PTPRN2: variants seen among roughly 807,000 people sequenced by gnomAD.
The protein encoded by PTPRN2 is receptor-type tyrosine-protein phosphatase N2.
A neutral mutation model predicts 118.8 loss-of-function variants in PTPRN2; 74 were observed. That is an observed-to-expected ratio of 0.62 (90% confidence interval 0.52 to 0.76). PTPRN2 has a LOEUF of 0.76. PTPRN2 is among the 30% of genes least tolerant of loss of function. The pLI is 0.00. For synonymous variants in PTPRN2, 641 were observed against 608.0 expected (o/e 1.05, Z -0.80); for missense variants, 1,481 against 1,394.4 (o/e 1.06, Z -0.99).
At chr7:158,320,137 A>ACT (rs1298027010) in intron 2 of PTPRN2, among the ~76,000 whole-genome samples, 6 of 38,974 alleles carry the variant, frequency 1.5e-4, no homozygotes, top group African/African-American at 2.5e-4. Flanking sequence ...CCTCACACAC[A>ACT]CAGCCTCCCT....
chr7:157,572,496 C>A (rs1356511030), intron 19 of PTPRN2, among the ~76,000 whole-genome samples: 2 of 152,216 alleles, frequency 1.3e-5, no homozygotes, highest in Non-Finnish European at 2.9e-5. Flanking sequence ...TTGCTACAAA[C>A]CTTTGAAGCC....
intron 3 of PTPRN2, among the ~76,000 whole-genome samples, chr7:158,251,522 G>C (rs559326346): frequency 6.6e-6 from 1 of 151,592 alleles, no homozygotes; most frequent in South Asian, 2.1e-4. Flanking sequence ...GATGTATATG[G>C]TGCATGTGGG....
chr7:157,667,152 C>T (rs1796179138), intron 13 of PTPRN2, among the ~76,000 whole-genome samples: 1 of 100,152 alleles, frequency 1.0e-5, no homozygotes, highest in Non-Finnish European at 2.5e-5. Context: ...GGCTTGCACG[C>T]TCAGCCTGTG....
intron 2 of PTPRN2, among the ~76,000 whole-genome samples, chr7:158,479,539 G>A (rs556738127): frequency 4.5e-4 from 69 of 152,328 alleles, no homozygotes; most frequent in African/African-American, 1.7e-3. Flanking sequence ...CAGCAACTCT[G>A]AGACGCAGAG....
At chr7:157,923,305 G>T (rs912103201) in intron 11 of PTPRN2, among the ~76,000 whole-genome samples, 21 of 152,204 alleles carry the variant, frequency 1.4e-4, no homozygotes, top group Admixed American at 5.2e-4. Flanking sequence ...TGATGCTTGT[G>T]ACTGAGAAAA....
At position 158,255,523 on chromosome 7, in the gene PTPRN2, C is replaced by T. The variant is rs562077361; in HGVS notation, c.278-50250G>A. Among the ~76,000 whole-genome samples, 115 of 152,254 alleles carry T rather than the reference C, an allele frequency of 7.6e-4. 1 individual carries two copies. The highest frequency in any genetic ancestry group is 1.2e-3 in the South Asian group (6 of 4,822). ...CAGCTTCAGGATTAAAAGTGGTTCACGGATTTGGGGAACTGCAGAGGACAG... is the reference window on the plus strand; with the variant it reads ...CAGCTTCAGGATTAAAAGTGGTTCATGGATTTGGGGAACTGCAGAGGACAG... On this transcript the variant is annotated intron_variant, in intron 3 of 22. Coordinates refer to ENST00000389418, the MANE Select transcript of PTPRN2 (RefSeq NM_002847.5).
chr7:158,110,061 C>T (rs1038902496), intron 10 of PTPRN2, among the ~76,000 whole-genome samples: 1 of 151,866 alleles, frequency 6.6e-6, no homozygotes, highest in South Asian at 2.1e-4. Context: ...GTGAACAACA[C>T]GTGTAGGCAG....
intron 2 of PTPRN2, among the ~76,000 whole-genome samples, chr7:158,331,105 AC>A: frequency 6.8e-6 from 1 of 147,690 alleles, no homozygotes; most frequent in African/African-American, 2.5e-5. Context: ...CGCAGACGTC[AC>A]TCACACCCAC....
chr7:158,192,305 G>A (rs199946865), intron 5 of PTPRN2, 22 bp downstream of exon 5: 127 of 1,449,046 alleles, frequency 8.8e-5, no homozygotes, highest in Non-Finnish European at 9.7e-5. Context: ...ACCCCGGCCC[G>A]GGGAGGAAGT....
chr7:157,986,776 G>T lies in PTPRN2; in HGVS notation c.1724-88039C>A, dbSNP rs562677465. 2.6e-5 allele frequency among the ~76,000 whole-genome samples: 4 copies of T among 152,282 alleles called. No homozygotes were observed. The East Asian group carries it at 7.7e-4, about 29-fold the overall frequency. ...AAGGACCATCCAGTTGGCAGGACTG[G>T]AAGTAACTGGGCAGAGGAGACATTT... On this transcript the variant is annotated intron_variant, in intron 11 of 22. Coordinates refer to ENST00000389418, the MANE Select transcript of PTPRN2 (RefSeq NM_002847.5). The surrounding 1 kb of genome is among the most constrained non-coding windows in gnomAD (Gnocchi z 4.5).
intron 22 of PTPRN2, among the ~76,000 whole-genome samples, chr7:157,541,216 A>T (rs1797998788): frequency 6.6e-6 from 1 of 152,158 alleles, no homozygotes; most frequent in Non-Finnish European, 1.5e-5. Context: ...TGGCCATTAA[A>T]ACTCACAATG....
At chr7:157,707,049 G>A (rs1010720215) in intron 12 of PTPRN2, among the ~76,000 whole-genome samples, 3 of 152,252 alleles carry the variant, frequency 2.0e-5, no homozygotes, top group Admixed American at 6.5e-5. Context: ...CAGAATGCCA[G>A]ACAGATGAAG....
rs10270957 is a variant in PTPRN2, at chr7:158,060,168, T to G, written c.1723+21130A>C. 2.1e-4 allele frequency among the ~76,000 whole-genome samples: 6 copies of G among 28,246 alleles called. 2 individuals carry two copies. Among genetic ancestry groups the G allele is most frequent in the African/African-American group, 7.4e-4 (5 of 6,802 alleles). 18.5% of individuals were successfully genotyped at this position (28,246 alleles called of 152,430 possible). A position where few individuals can be genotyped will look rare whatever the true frequency, so the allele number is the denominator to read the frequency against. ...ACTGCAGCCACACTCCATCTGCACATGGTGACACATCACTGCAGCCACACT... is the reference window on the plus strand; with the variant it reads ...ACTGCAGCCACACTCCATCTGCACAGGGTGACACATCACTGCAGCCACACT... On this transcript the variant is annotated intron_variant, in intron 11 of 22. Transcript: ENST00000389418.
chr7:158,151,856 T>A (rs1207948027), intron 6 of PTPRN2, among the ~76,000 whole-genome samples: 3 of 152,164 alleles, frequency 2.0e-5, no homozygotes, highest in Admixed American at 1.3e-4. Flanking sequence ...CCATCTATGT[T>A]AGAAGGAACA....
intron 12 of PTPRN2, among the ~76,000 whole-genome samples, chr7:157,692,688 C>G (rs1486882222): frequency 6.6e-6 from 1 of 152,200 alleles, no homozygotes; most frequent in African/African-American, 2.4e-5. Context: ...GCAGGAGGCC[C>G]GGTGCGGCTC....
intron 12 of PTPRN2, among the ~76,000 whole-genome samples, chr7:157,686,294 G>A (rs1797190131): frequency 6.6e-6 from 1 of 152,230 alleles, no homozygotes; most frequent in Non-Finnish European, 1.5e-5. Context: ...GGAGGGTGAT[G>A]CGGAGGGAAA....
chr7:158,341,469 A>T (rs1470919861), intron 2 of PTPRN2, among the ~76,000 whole-genome samples: 1 of 147,510 alleles, frequency 6.8e-6, no homozygotes, highest in Non-Finnish European at 1.5e-5. Context: ...GACGTCATTC[A>T]CACCCACACT....
At chr7:157,708,647 ACACATGCATAGT>A (rs1798448889) in intron 12 of PTPRN2, among the ~76,000 whole-genome samples, 1 of 152,098 alleles carries the variant, frequency 6.6e-6, no homozygotes, top group Non-Finnish European at 1.5e-5. Flanking sequence ...CCGTAAAACC[ACACATGCATAGT>A]CACAAGCGGC....
At position 157,974,066 on chromosome 7, in the gene PTPRN2, C is replaced by T. The variant is rs1335700700; in HGVS notation, c.1724-75329G>A. ...ACGTTGGCGGGGTAGCAGGTGTGGCCATAACATGGAGCACAGGCTGAGCTG... is the reference window on the plus strand; with the variant it reads ...ACGTTGGCGGGGTAGCAGGTGTGGCTATAACATGGAGCACAGGCTGAGCTG... On this transcript the variant is annotated intron_variant, in intron 11 of 22. Coordinates refer to ENST00000389418, the MANE Select transcript of PTPRN2 (RefSeq NM_002847.5). This position sits in a 1 kb window ranked among gnomAD's most constrained non-coding sequence, Gnocchi z 4.0. Among the ~76,000 whole-genome samples the T allele has an allele frequency of 2.6e-5, 4 of 152,148 alleles. No individual in the cohort carries two copies. The highest frequency in any genetic ancestry group is 4.8e-5 in the African/African-American group (2 of 41,418).
Sources: gnomAD v4.1 joint callset for allele counts (sites outside exome capture counted in the v4.1 genomes callset) on GRCh38, gnomAD v4.1.1 for gene constraint, Gnocchi (gnomAD v3.1) non-coding constraint, MANE v1.5 for transcripts, NCBI Gene and HGNC (gene_info 2026-07-23, HGNC 2026-07-21) for gene names.